The following HS3ST3A1 variants were observed in gnomAD, a reference collection of about 807,000 sequenced individuals.
HS3ST3A1 encodes the protein heparan sulfate-glucosamine 3-sulfotransferase 3A1.
A neutral mutation model predicts 25.7 loss-of-function variants in HS3ST3A1; 19 were observed. The ratio of observed to expected loss-of-function variants is 0.74; its 90% confidence interval spans 0.52 to 1.08. HS3ST3A1 has a LOEUF of 1.08. HS3ST3A1 is among the 50% of genes least tolerant of loss of function. The probability of loss-of-function intolerance (pLI) is 0.00; values close to 1 mark genes in which losing one functional copy is unlikely to be tolerated. For missense variants in HS3ST3A1, 459 were observed against 594.3 expected (o/e 0.77, Z 2.37); for synonymous variants, 226 against 278.6 (o/e 0.81, Z 1.88).
At chr17:13,565,922 T>C (rs1017752620) in intron 1 of HS3ST3A1, among the ~76,000 whole-genome samples, 1 of 152,224 alleles carries the variant, frequency 6.6e-6, no homozygotes, top group Non-Finnish European at 1.5e-5. Flanking sequence ...AACCACCCTT[T>C]TACAGTTCCA....
chr17:13,546,369 G>A (rs1567620138), intron 1 of HS3ST3A1, among the ~76,000 whole-genome samples: 1 of 152,076 alleles, frequency 6.6e-6, no homozygotes, highest in African/African-American at 2.4e-5. Context: ...AGGTTCAAGA[G>A]ATTCTCCTGC....
intron 1 of HS3ST3A1, among the ~76,000 whole-genome samples, chr17:13,554,229 G>T (rs1228586441): frequency 6.6e-6 from 1 of 152,164 alleles, no homozygotes. Flanking sequence ...TGGTCCAGTT[G>T]CAAAGCCTAA....
intron 1 of HS3ST3A1, among the ~76,000 whole-genome samples, chr17:13,512,321 A>AAAAAAAAACAAAC (rs1395357582): frequency 3.5e-5 from 5 of 144,676 alleles, no homozygotes; most frequent in African/African-American, 5.2e-5. Context: ...AAAAAAAAAA[A>AAAAAAAAACAAAC]AAAAAACTGC....
At chr17:13,599,816 G>C (rs1051654131) in intron 1 of HS3ST3A1, among the ~76,000 whole-genome samples, 4 of 152,170 alleles carry the variant, frequency 2.6e-5, no homozygotes, top group Non-Finnish European at 5.9e-5. Flanking sequence ...TTGTAAAGAG[G>C]ATTGAAGATC....
At chr17:13,592,222 T>C (rs1012562900) in intron 1 of HS3ST3A1, among the ~76,000 whole-genome samples, 1 of 152,218 alleles carries the variant, frequency 6.6e-6, no homozygotes, top group South Asian at 2.1e-4. Flanking sequence ...TTCTATGATC[T>C]TGGACAAGTT....
intron 1 of HS3ST3A1, among the ~76,000 whole-genome samples, chr17:13,522,832 CA>C (rs1188856607): frequency 1.5e-5 from 2 of 129,486 alleles, no homozygotes; most frequent in Non-Finnish European, 3.2e-5. Flanking sequence ...CACACACACA[CA>C]CACCACACAC....
chr17:13,568,133 C>T (rs1036725609), intron 1 of HS3ST3A1, among the ~76,000 whole-genome samples: 1 of 152,120 alleles, frequency 6.6e-6, no homozygotes, highest in Non-Finnish European at 1.5e-5. Context: ...CAGCCATCGA[C>T]ACTGAGGCAA....
chr17:13,598,967 C>T (rs1908651259), intron 1 of HS3ST3A1, among the ~76,000 whole-genome samples: 1 of 152,180 alleles, frequency 6.6e-6, no homozygotes, highest in East Asian at 1.9e-4. Context: ...AATGTGTTCG[C>T]TTACAGCACA....
intron 1 of HS3ST3A1, among the ~76,000 whole-genome samples, chr17:13,549,471 T>G (rs538332639): frequency 3.9e-5 from 6 of 152,226 alleles, no homozygotes; most frequent in South Asian, 2.1e-4. Context: ...TGCATTGCAC[T>G]GCTCAGCCTC....
chr17:13,512,055 GCT>G (rs1227998067), intron 1 of HS3ST3A1, among the ~76,000 whole-genome samples: 4 of 152,146 alleles, frequency 2.6e-5, no homozygotes, highest in Non-Finnish European at 5.9e-5. Context: ...GCCAACACCA[GCT>G]AGTTTTTTAA....
At chr17:13,536,203 G>C (rs1042448221) in intron 1 of HS3ST3A1, among the ~76,000 whole-genome samples, 1 of 152,026 alleles carries the variant, frequency 6.6e-6, no homozygotes, top group African/African-American at 2.4e-5. Context: ...TGGTTTCAAG[G>C]TCTCTTTTCA....
At chr17:13,572,701 C>A (rs1036045974) in intron 1 of HS3ST3A1, among the ~76,000 whole-genome samples, 1 of 152,154 alleles carries the variant, frequency 6.6e-6, no homozygotes, top group Non-Finnish European at 1.5e-5. Context: ...CACACCCATG[C>A]TTTTATTTTA....
rs10535139 is a variant in HS3ST3A1, at chr17:13,596,418, T to TACACACACACAC, written c.599+4101_599+4112dup. Among the ~76,000 whole-genome samples, 34 of 146,444 alleles carry TACACACACACAC rather than the reference T, an allele frequency of 2.3e-4. 1 individual carries two copies. Among genetic ancestry groups the TACACACACACAC allele is most frequent in the East Asian group, 1.9e-3 (9 of 4,794 alleles). On this transcript the variant is annotated intron_variant, in intron 1 of 1. Coordinates refer to ENST00000284110, the MANE Select transcript of HS3ST3A1 (RefSeq NM_006042.3). The stretch of plus-strand genomic sequence containing the variant: ...GCATGTGTGAGGGTGTGCGCGTGCG[T>TACACACACACAC]ACACACACACACACACACACACACA...
At chr17:13,522,032 C>A (rs1414428243) in intron 1 of HS3ST3A1, among the ~76,000 whole-genome samples, 2 of 152,088 alleles carry the variant, frequency 1.3e-5, no homozygotes, top group Admixed American at 1.3e-4. Flanking sequence ...CTCCTGGGGG[C>A]AAAACTGTCC....
chr17:13,508,845 T>A (rs939929748), intron 1 of HS3ST3A1, among the ~76,000 whole-genome samples: 3 of 152,166 alleles, frequency 2.0e-5, no homozygotes, highest in Non-Finnish European at 4.4e-5. Context: ...AGAAACCACC[T>A]GGGAAAGGTA....
At chr17:13,511,368 G>A (rs949800587) in intron 1 of HS3ST3A1, among the ~76,000 whole-genome samples, 1 of 152,114 alleles carries the variant, frequency 6.6e-6, no homozygotes, top group Non-Finnish European at 1.5e-5. Context: ...ACTGCTTCAA[G>A]TTAGGGGAAG....
At chr17:13,507,179 T>C (rs1416311309) in intron 1 of HS3ST3A1, among the ~76,000 whole-genome samples, 1 of 152,002 alleles carries the variant, frequency 6.6e-6, no homozygotes, top group Non-Finnish European at 1.5e-5. Flanking sequence ...GAAATTCAAG[T>C]TCAGGGTCCT....
intron 1 of HS3ST3A1, 102 bp from the exon 2 acceptor site, chr17:13,496,920 G>A: frequency 6.8e-7 from 1 of 1,478,674 alleles, no homozygotes; most frequent in Non-Finnish European, 9.1e-7. Context: ...TCCAGCCCCC[G>A]CAACCCCCCA....
At chr17:13,546,265 T>C (rs1187056953) in intron 1 of HS3ST3A1, among the ~76,000 whole-genome samples, 1 of 152,136 alleles carries the variant, frequency 6.6e-6, no homozygotes, top group Non-Finnish European at 1.5e-5. Flanking sequence ...TTCTTTTTTC[T>C]TTTTCTTTCT....
Sources: gnomAD v4.1 joint callset for allele counts (sites outside exome capture counted in the v4.1 genomes callset) on GRCh38, gnomAD v4.1.1 for gene constraint, MANE v1.5 for transcripts, NCBI Gene and HGNC (gene_info 2026-07-23, HGNC 2026-07-21) for gene names.